The following RBM19 variants were observed in gnomAD, a reference collection of about 807,000 sequenced individuals.
RBM19 encodes probable RNA-binding protein 19.
In RBM19, 94 loss-of-function variants were observed where a neutral mutation model predicts 116.8. That is an observed-to-expected ratio of 0.80 (90% CI 0.68 to 0.95). The LOEUF (loss-of-function observed/expected upper bound fraction) is 0.95, where lower values mean the gene tolerates loss of function less well. RBM19 is among the 40% of genes least tolerant of loss of function. RBM19 has a pLI of 0.00. For synonymous variants in RBM19, 475 were observed against 494.1 expected, an observed-to-expected ratio of 0.96 and a Z score of 0.51; for missense variants, 1,161 against 1,220.7, an observed-to-expected ratio of 0.95 and a Z score of 0.73.
At chr12:113,935,195 C>T (rs1869940966) in intron 16 of RBM19, among the ~76,000 whole-genome samples, 1 of 152,186 alleles carries the variant, frequency 6.6e-6, no homozygotes, top group Non-Finnish European at 1.5e-5. Flanking sequence ...GTGTCCCCAG[C>T]CTGCCTCCTG....
intron 21 of RBM19, among the ~76,000 whole-genome samples, chr12:113,859,764 C>T (rs145457563): frequency 4.6e-4 from 70 of 152,200 alleles, no homozygotes; most frequent in Non-Finnish European, 8.8e-4. Context: ...AAATTGCTAC[C>T]GATAAATATT....
chr12:113,941,520 CTATTAG>C (rs2135908693), intron 14 of RBM19, among the ~76,000 whole-genome samples: 1 of 135,770 alleles, frequency 7.4e-6, no homozygotes, highest in South Asian at 2.5e-4. Context: ...TAAATGTTAG[CTATTAG>C]TATATTTATT....
At chr12:113,858,760 G>A (rs770004129) in intron 22 of RBM19, 31 bp downstream of exon 22, 2 of 1,601,140 alleles carry the variant, frequency 1.2e-6, no homozygotes, top group East Asian at 2.2e-5. Context: ...GGGGAGGCCT[G>A]GACAGGTGGG....
chr12:113,948,499 G>A (rs566563511), intron 10 of RBM19, among the ~76,000 whole-genome samples: 3 of 152,286 alleles, frequency 2.0e-5, no homozygotes, highest in South Asian at 4.1e-4. Context: ...TTCCAATACC[G>A]AGTGGCATGA....
In RBM19 at chr12:113,898,870, A is replaced by G. The variant is rs1040541422; in HGVS notation, c.2558+16099T>C. Among the ~76,000 whole-genome samples the G allele has an allele frequency of 6.6e-6, 1 of 152,250 alleles. No homozygotes were observed. The highest frequency in any genetic ancestry group is 1.5e-5 in the Non-Finnish European group (1 of 68,044). On this transcript the variant is annotated intron_variant, in intron 21 of 23. Coordinates refer to ENST00000261741, the MANE Select transcript of RBM19 (RefSeq NM_016196.4). This position sits in a 1 kb window ranked among gnomAD's most constrained non-coding sequence, Gnocchi z 4.3. The stretch of plus-strand genomic sequence containing the variant: ...CCATCACGCTAAAATAATGTTGTTA[A>G]TTTGAATTTTATTGAGTTTAAATTT...
chr12:113,966,177 T>C lies in RBM19; in HGVS notation c.36+15A>G. ...GGTCTCATTTCAGATTCCCAAGTCC[T>C]GCCTCTGCACTCACCCCATTCGGGA... On this transcript the variant is annotated intron_variant, in intron 1 of 23. Transcript: ENST00000261741. The C allele has an allele frequency of 6.2e-7, 1 of 1,614,230 alleles. No individual in the cohort carries two copies. The highest frequency in any genetic ancestry group is 1.3e-5 in the African/African-American group (1 of 75,068).
In RBM19 at chr12:113,874,609, C is replaced by T. The variant is rs571988128; in HGVS notation, c.2559-15713G>A. Among the ~76,000 whole-genome samples, 53 of 152,358 alleles carry T rather than the reference C, an allele frequency of 3.5e-4. No homozygotes were observed. In the South Asian group the frequency reaches 5.4e-3, roughly 15 times the overall value. On this transcript the variant is annotated intron_variant, in intron 21 of 23. Transcript: ENST00000261741. ...CCCTGGGGACAGTAACCAGCTTCAGCCCTTGAACTCAGTCCTTATGTTCTA... is the reference window on the plus strand; with the variant it reads ...CCCTGGGGACAGTAACCAGCTTCAGTCCTTGAACTCAGTCCTTATGTTCTA...
intron 21 of RBM19, among the ~76,000 whole-genome samples, chr12:113,907,137 C>T (rs988654529): frequency 2.7e-5 from 4 of 150,036 alleles, no homozygotes; most frequent in Non-Finnish European, 4.4e-5. Flanking sequence ...CTGTTTAAGA[C>T]CCCCATTGTG....
chr12:113,831,943 G>C (rs960245109), intron 23 of RBM19, among the ~76,000 whole-genome samples: 1 of 152,142 alleles, frequency 6.6e-6, no homozygotes, highest in African/African-American at 2.4e-5. Flanking sequence ...TCTGATCATG[G>C]CTCCCTGCAT....
Position 113,861,610 on chromosome 12 carries a change from C to A in RBM19, c.2559-2714G>T, listed in dbSNP as rs576651789. Among the ~76,000 whole-genome samples the A allele has an allele frequency of 2.6e-5, 4 of 152,116 alleles. No homozygotes were observed. The East Asian group carries it at 7.7e-4, about 29-fold the overall frequency. ...AAAGAGACTGTTGGGGTTAATTCCT[C>A]CCTCTCTGCAGCACACTGCAAGCTG... On this transcript the variant is annotated intron_variant, in intron 21 of 23. Coordinates refer to ENST00000261741, the MANE Select transcript of RBM19 (RefSeq NM_016196.4).
intron 5 of RBM19, among the ~76,000 whole-genome samples, chr12:113,959,009 A>G (rs191246993): frequency 1.1e-3 from 174 of 152,364 alleles, no homozygotes; most frequent in African/African-American, 4.1e-3. Flanking sequence ...TAGGTGCTCA[A>G]GAAATATTTG....
chr12:113,820,107 G>A (rs1874315016), downstream of RBM19, among the ~76,000 whole-genome samples: 1 of 152,068 alleles, frequency 6.6e-6, no homozygotes, highest in Non-Finnish European at 1.5e-5. Flanking sequence ...CAGACGAACT[G>A]ATCAGGAGTC....
chr12:113,844,887 A>C lies in RBM19; in HGVS notation c.2665-99T>G, dbSNP rs188304006. The C allele has an allele frequency of 5.7e-4, 841 of 1,464,888 alleles. 6 individuals are homozygous for C. The African/African-American group carries it at 0.011, about 18-fold the overall frequency. The allele number at this position is 1,464,888 out of a possible 1,614,324, so 90.7% of individuals were successfully genotyped here. On this transcript the variant is annotated intron_variant, in intron 22 of 23. Transcript: ENST00000261741. Reference sequence around the variant, plus strand: ...TGCCTGCCTGCGTCTCAGATGCCAAAGCCCAGGTTCTGGCCCCGTGACATC... The same window carrying C: ...TGCCTGCCTGCGTCTCAGATGCCAACGCCCAGGTTCTGGCCCCGTGACATC...
intron 5 of RBM19, 21 bp from the exon 6 acceptor site, chr12:113,958,071 G>A: frequency 6.3e-7 from 1 of 1,595,616 alleles, no homozygotes; most frequent in Middle Eastern, 1.7e-4. Flanking sequence ...AGGGAAGCTG[G>A]GATCAGCGAC....
In RBM19 at chr12:113,966,276, TC is replaced by T; in HGVS notation, c.-50del. 1 of 1,609,424 alleles carries T rather than the reference TC, an allele frequency of 6.2e-7. No homozygotes were observed. The highest frequency in any genetic ancestry group is 1.1e-5 in the South Asian group (1 of 90,896). On this transcript the variant is annotated 5_prime_UTR_variant, in exon 1 of 24. Coordinates refer to ENST00000261741, the MANE Select transcript of RBM19 (RefSeq NM_016196.4). ...ATTCCAACACGACTGGTCAGCGTCT[TC>T]CACCAAGTTTCACGCTACCGCCCTG...
chr12:113,843,063 C>G (rs1198550123), intron 23 of RBM19, among the ~76,000 whole-genome samples: 3 of 152,244 alleles, frequency 2.0e-5, no homozygotes. Context: ...AGTCCTGCTG[C>G]ATTGCTGAGA....
chr12:113,903,748 C>A lies in RBM19; in HGVS notation c.2558+11221G>T, dbSNP rs573182928. Among the ~76,000 whole-genome samples the A allele has an allele frequency of 1.8e-4, 27 of 152,304 alleles. No homozygotes were observed. The highest frequency in any genetic ancestry group is 5.1e-4 in the African/African-American group (21 of 41,550). Reference sequence around the variant, plus strand: ...GCTGTGAGTCAGAGCCCTGAATATTCCTCTTGGGCATTCCTTTTGTAGGCT... The same window carrying A: ...GCTGTGAGTCAGAGCCCTGAATATTACTCTTGGGCATTCCTTTTGTAGGCT... On this transcript the variant is annotated intron_variant, in intron 21 of 23. Coordinates refer to ENST00000261741, the MANE Select transcript of RBM19 (RefSeq NM_016196.4). The surrounding 1 kb of genome is among the most constrained non-coding windows in gnomAD (Gnocchi z 5.1).
chr12:113,918,725 C>T (rs1311780920), intron 19 of RBM19, among the ~76,000 whole-genome samples: 1 of 152,222 alleles, frequency 6.6e-6, no homozygotes, highest in Admixed American at 6.5e-5. Flanking sequence ...ACGGAATTTT[C>T]CATTGTTTAT....
At chr12:113,879,546 C>T (rs1879957526) in intron 21 of RBM19, among the ~76,000 whole-genome samples, 1 of 151,776 alleles carries the variant, frequency 6.6e-6, no homozygotes, top group Admixed American at 6.6e-5. Flanking sequence ...ATTCCTTCCT[C>T]CTAGGCCCCA....
Sources: allele counts gnomAD v4.1 joint callset (sites outside exome capture counted in the v4.1 genomes callset), GRCh38; gene constraint gnomAD v4.1.1; non-coding constraint Gnocchi (gnomAD v3.1); transcripts MANE v1.5; gene names NCBI Gene and HGNC (gene_info 2026-07-23, HGNC 2026-07-21).